The following RNF144A variants were observed in gnomAD, a reference collection of about 807,000 sequenced individuals.
The protein encoded by RNF144A is E3 ubiquitin-protein ligase RNF144A.
In RNF144A, 11 loss-of-function variants were observed where a neutral mutation model predicts 38.7. The observed-to-expected ratio is 0.28, with a 90% CI of 0.18 to 0.47. The LOEUF (loss-of-function observed/expected upper bound fraction) is 0.47, where lower values mean the gene tolerates loss of function less well. RNF144A is among the 20% of genes least tolerant of loss of function. RNF144A has a pLI of 0.99. For synonymous variants in RNF144A, 149 were observed against 143.9 expected, an observed-to-expected ratio of 1.04 and a Z score of -0.25; for missense variants, 316 against 377.2, an observed-to-expected ratio of 0.84 and a Z score of 1.34.
At chr2:6,981,134 C>T (rs1230028622) in intron 2 of RNF144A, among the ~76,000 whole-genome samples, 5 of 152,210 alleles carry the variant, frequency 3.3e-5, no homozygotes, top group Non-Finnish European at 7.3e-5. Flanking sequence ...TCTACACCTC[C>T]AGGCCTGTGA....
chr2:7,029,126 C>T (rs1672110236), intron 7 of RNF144A, among the ~76,000 whole-genome samples: 1 of 152,230 alleles, frequency 6.6e-6, no homozygotes, highest in African/African-American at 2.4e-5. Flanking sequence ...TTCCTGTTTC[C>T]TCAGGCGCAT....
At chr2:6,986,739 AGT>A (rs1668987537) in intron 2 of RNF144A, among the ~76,000 whole-genome samples, 1 of 152,148 alleles carries the variant, frequency 6.6e-6, no homozygotes, top group Non-Finnish European at 1.5e-5. Context: ...CCCTAGCAAA[AGT>A]GTTGCAATAA....
intron 2 of RNF144A, among the ~76,000 whole-genome samples, chr2:6,965,144 C>T (rs756549536): frequency 1.3e-5 from 2 of 152,156 alleles, no homozygotes; most frequent in African/African-American, 2.4e-5. Flanking sequence ...CAAATGTTTG[C>T]TCCACCATAG....
At chr2:6,918,082 G>A (rs1201922476) in intron 1 of RNF144A, among the ~76,000 whole-genome samples, 4 of 152,078 alleles carry the variant, frequency 2.6e-5, no homozygotes, top group African/African-American at 9.7e-5. Flanking sequence ...TGGAGCCTCG[G>A]CCCCAAGAGG....
chr2:7,042,168 A>G lies in RNF144A; in HGVS notation c.*2408A>G. The G allele has an allele frequency of 1.0e-6, 1 of 985,262 alleles. No individual in the cohort carries two copies. 61.0% of individuals were successfully genotyped at this position (985,262 alleles called of 1,614,324 possible). ...CCAGCAAGATCACTCTGAGATACATAAACTCGCATTTCCTTCTGTTTTAGT... is the reference window on the plus strand; with the variant it reads ...CCAGCAAGATCACTCTGAGATACATGAACTCGCATTTCCTTCTGTTTTAGT... On this transcript the variant is annotated 3_prime_UTR_variant, in exon 9 of 9. Transcript: ENST00000320892.
intron 2 of RNF144A, among the ~76,000 whole-genome samples, chr2:6,942,768 G>A (rs1484410688): frequency 6.6e-6 from 1 of 152,192 alleles, no homozygotes; most frequent in Admixed American, 6.5e-5. Flanking sequence ...TGGATCACCT[G>A]AGGTCAGGAG....
rs148965199 is a variant in RNF144A, at chr2:6,968,722, G to A, written c.-12+27575G>A. ...TTTTTTTTACAAATTTAGCCACAGT[G>A]TCTTGAAAAACGCATCAACTCTTCT... On this transcript the variant is annotated intron_variant, in intron 2 of 8. Transcript: ENST00000320892. 7.2e-3 allele frequency among the ~76,000 whole-genome samples: 1,099 copies of A among 151,754 alleles called. 13 individuals are homozygous for A. The highest frequency in any genetic ancestry group is 0.025 in the African/African-American group (1,035 of 41,396).
chr2:7,000,863 T>C (rs1670050786), intron 3 of RNF144A, among the ~76,000 whole-genome samples: 1 of 149,998 alleles, frequency 6.7e-6, no homozygotes, highest in Non-Finnish European at 1.5e-5. Flanking sequence ...ATTGCGTTTA[T>C]ATATATATAT....
chr2:6,947,372 A>C (rs1666405943), intron 2 of RNF144A, among the ~76,000 whole-genome samples: 1 of 152,160 alleles, frequency 6.6e-6, no homozygotes, highest in African/African-American at 2.4e-5. Context: ...TAATTTTTAA[A>C]ATCAGTAAAA....
chr2:6,936,155 T>C (rs947264855), intron 1 of RNF144A, among the ~76,000 whole-genome samples: 1 of 152,198 alleles, frequency 6.6e-6, no homozygotes, highest in South Asian at 2.1e-4. Flanking sequence ...CTCCGTACAT[T>C]CTCATGTCCT....
At position 6,941,223 on chromosome 2, in the gene RNF144A, G is replaced by T. The variant is rs1045991802; in HGVS notation, c.-12+76G>T. The T allele has an allele frequency of 1.3e-5, 2 of 152,196 alleles. No individual in the cohort carries two copies. Among genetic ancestry groups the T allele is most frequent in the African/African-American group, 4.8e-5 (2 of 41,442 alleles). The allele number at this position is 152,196 out of a possible 1,614,324, so 9.4% of individuals were successfully genotyped here. ...CTTAGTGGAATCTCAGGCCATTGTTGGAAAAGATAGTAGGCCTGCCTGGGT... is the reference window on the plus strand; with the variant it reads ...CTTAGTGGAATCTCAGGCCATTGTTTGAAAAGATAGTAGGCCTGCCTGGGT... On this transcript the variant is annotated intron_variant, in intron 2 of 8. Coordinates refer to ENST00000320892, the MANE Select transcript of RNF144A (RefSeq NM_014746.6). The surrounding 1 kb of genome is among the most constrained non-coding windows in gnomAD (Gnocchi z 6.5).
chr2:6,923,342 G>T (rs114890040), intron 1 of RNF144A, among the ~76,000 whole-genome samples: 117 of 152,240 alleles, frequency 7.7e-4, no homozygotes, highest in Non-Finnish European at 8.5e-4. Context: ...GGAAGCTTGT[G>T]TGTTAAGCCT....
At chr2:6,919,139 G>A (rs1664367168) in intron 1 of RNF144A, among the ~76,000 whole-genome samples, 1 of 152,222 alleles carries the variant, frequency 6.6e-6, no homozygotes, top group African/African-American at 2.4e-5. Flanking sequence ...TCCCTGCAAA[G>A]GGAGTCCCCT....
chr2:7,024,594 G>A, intron 7 of RNF144A, 78 bp downstream of exon 7: 1 of 1,493,720 alleles, frequency 6.7e-7, no homozygotes, highest in Non-Finnish European at 9.1e-7. Flanking sequence ...TAGACCAGCT[G>A]TTTCCTAAAG....
intron 7 of RNF144A, among the ~76,000 whole-genome samples, chr2:7,026,539 ATAATATC>A (rs1424467329): frequency 6.7e-6 from 1 of 148,776 alleles, no homozygotes; most frequent in African/African-American, 2.5e-5. Context: ...GAATTATGAT[ATAATATC>A]TAATATCTGG....
At chr2:6,977,184 G>A (rs919542291) in intron 2 of RNF144A, among the ~76,000 whole-genome samples, 3 of 152,208 alleles carry the variant, frequency 2.0e-5, no homozygotes, top group Admixed American at 1.3e-4. Flanking sequence ...ATGTTCAGTT[G>A]ATTTTATAGG....
At chr2:6,977,775 A>G (rs1298879523) in intron 2 of RNF144A, among the ~76,000 whole-genome samples, 1 of 152,252 alleles carries the variant, frequency 6.6e-6, no homozygotes, top group Non-Finnish European at 1.5e-5. Flanking sequence ...CCCAGCAAAT[A>G]AAAACTACTG....
intron 8 of RNF144A, among the ~76,000 whole-genome samples, chr2:7,034,167 C>G (rs1266168867): frequency 6.6e-6 from 1 of 151,978 alleles, no homozygotes; most frequent in Non-Finnish European, 1.5e-5. Context: ...CACCACCTCT[C>G]TAATGACACC....
At chr2:6,975,000 T>A (rs6747721) in intron 2 of RNF144A, among the ~76,000 whole-genome samples, 2,213 of 152,358 alleles carry the variant, frequency 0.015, 60 homozygotes, top group African/African-American at 0.05. Context: ...TTATTCTGAA[T>A]AATTATAATG....
Sources: gnomAD v4.1 joint callset for allele counts (sites outside exome capture counted in the v4.1 genomes callset) on GRCh38, gnomAD v4.1.1 for gene constraint, Gnocchi (gnomAD v3.1) non-coding constraint, MANE v1.5 for transcripts, NCBI Gene and HGNC (gene_info 2026-07-23, HGNC 2026-07-21) for gene names.